Variants in RCAN2 observed in about 807,000 individuals in gnomAD.
RCAN2 encodes regulator of calcineurin 2, also known as calcipressin-2.
In RCAN2, 9 loss-of-function variants were observed where a neutral mutation model predicts 23.6. That is an observed-to-expected ratio of 0.38 (90% confidence interval 0.23 to 0.67). The LOEUF (loss-of-function observed/expected upper bound fraction) is 0.67, where lower values mean the gene tolerates loss of function less well. Ranked by LOEUF, RCAN2 falls within the 30% of genes least tolerant of loss-of-function variation. RCAN2 has a pLI of 0.51. For synonymous variants in RCAN2, 109 were observed against 115.7 expected, an observed-to-expected ratio of 0.94 and a Z score of 0.37; for missense variants, 273 against 302.3, an observed-to-expected ratio of 0.90 and a Z score of 0.72.
intron 1 of RCAN2, among the ~76,000 whole-genome samples, chr6:46,467,327 T>G (rs1768415348): frequency 6.6e-6 from 1 of 152,242 alleles, no homozygotes; most frequent in African/African-American, 2.4e-5. Flanking sequence ...ACTTAATCTC[T>G]GTGTTGTTTC....
chr6:46,435,054 T>C (rs1582199228), intron 2 of RCAN2, among the ~76,000 whole-genome samples: 1 of 152,332 alleles, frequency 6.6e-6, no homozygotes, highest in Middle Eastern at 3.4e-3. Flanking sequence ...TATTTATTCA[T>C]GATGGCCTTC....
At chr6:46,241,520 T>A (rs1043546424) in intron 4 of RCAN2, among the ~76,000 whole-genome samples, 1 of 152,218 alleles carries the variant, frequency 6.6e-6, no homozygotes, top group Non-Finnish European at 1.5e-5. Flanking sequence ...AAAGAATTGA[T>A]GCAGTAGTGT....
intron 2 of RCAN2, among the ~76,000 whole-genome samples, chr6:46,250,513 G>A (rs1766673566): frequency 6.6e-6 from 1 of 152,122 alleles, no homozygotes; most frequent in Non-Finnish European, 1.5e-5. Context: ...ACTAGGAATG[G>A]ACTTAAGAGA....
chr6:46,393,036 G>T (rs1765980317), intron 2 of RCAN2, among the ~76,000 whole-genome samples: 3 of 152,110 alleles, frequency 2.0e-5, no homozygotes, highest in Admixed American at 2.0e-4. Flanking sequence ...TGTTCCTTGG[G>T]TTAAGTGAAT....
At chr6:46,486,248 GTAAA>G (rs1217259777) in intron 1 of RCAN2, among the ~76,000 whole-genome samples, 1 of 152,158 alleles carries the variant, frequency 6.6e-6, no homozygotes, top group Non-Finnish European at 1.5e-5. Context: ...GTGCTTTTCT[GTAAA>G]TAGTGATGAT....
intron 2 of RCAN2, among the ~76,000 whole-genome samples, chr6:46,307,169 C>A (rs1283651823): frequency 6.6e-6 from 1 of 152,142 alleles, no homozygotes; most frequent in East Asian, 1.9e-4. Flanking sequence ...CTATGCCAGG[C>A]ACTGTGCTGG....
At chr6:46,339,489 G>A (rs1422922401) in intron 2 of RCAN2, among the ~76,000 whole-genome samples, 2 of 152,042 alleles carry the variant, frequency 1.3e-5, no homozygotes, top group Non-Finnish European at 2.9e-5. Context: ...GAGAAACTAT[G>A]AGTAGCCCAA....
intron 1 of RCAN2, among the ~76,000 whole-genome samples, chr6:46,469,143 C>A (rs539779086): frequency 6.6e-6 from 1 of 152,268 alleles, no homozygotes; most frequent in African/African-American, 2.4e-5. Context: ...GAGCTGTCTG[C>A]CCTTGGCCTG....
intron 2 of RCAN2, among the ~76,000 whole-genome samples, chr6:46,435,840 C>G (rs951066085): frequency 6.6e-6 from 1 of 152,162 alleles, no homozygotes; most frequent in Non-Finnish European, 1.5e-5. Context: ...CACATGGAGG[C>G]ATATGAATGG....
intron 4 of RCAN2, among the ~76,000 whole-genome samples, chr6:46,241,646 A>C (rs951595853): frequency 2.6e-5 from 4 of 152,196 alleles, no homozygotes; most frequent in African/African-American, 9.6e-5. Flanking sequence ...CTAGAGAAAA[A>C]TGTTTCACTT....
At chr6:46,489,736 G>C (rs1769089367) in intron 1 of RCAN2, among the ~76,000 whole-genome samples, 1 of 152,218 alleles carries the variant, frequency 6.6e-6, no homozygotes, top group Non-Finnish European at 1.5e-5. Context: ...AGCTTTAGAT[G>C]AGAACACTTT....
chr6:46,227,353 A>T (rs940493932), intron 4 of RCAN2, among the ~76,000 whole-genome samples: 1 of 152,226 alleles, frequency 6.6e-6, no homozygotes, highest in Non-Finnish European at 1.5e-5. Flanking sequence ...TAATTTCAGA[A>T]GGAATGGTAC....
intron 2 of RCAN2, among the ~76,000 whole-genome samples, chr6:46,301,587 A>G (rs1273158484): frequency 6.6e-6 from 1 of 152,146 alleles, no homozygotes; most frequent in East Asian, 1.9e-4. Context: ...TTGTAGGCTT[A>G]CACTCTACTG....
intron 2 of RCAN2, among the ~76,000 whole-genome samples, chr6:46,335,290 T>C (rs185251421): frequency 4.9e-4 from 75 of 152,306 alleles, no homozygotes; most frequent in African/African-American, 1.7e-3. Context: ...TTTCAGTCAC[T>C]TTGGAGGCCC....
intron 1 of RCAN2, among the ~76,000 whole-genome samples, chr6:46,490,333 A>C (rs935551294): frequency 2.0e-5 from 3 of 152,214 alleles, no homozygotes; most frequent in Non-Finnish European, 4.4e-5. Context: ...AAAAAACTTC[A>C]TTTGGCAGTT....
chr6:46,391,691 T>C (rs1230833307), intron 2 of RCAN2, among the ~76,000 whole-genome samples: 1 of 152,196 alleles, frequency 6.6e-6, no homozygotes, highest in Non-Finnish European at 1.5e-5. Context: ...GGAGGAGTTA[T>C]ACCTGATTAA....
intron 2 of RCAN2, among the ~76,000 whole-genome samples, chr6:46,303,311 C>T (rs888050969): frequency 6.6e-6 from 1 of 152,004 alleles, no homozygotes; most frequent in Non-Finnish European, 1.5e-5. Flanking sequence ...GAGATATCCT[C>T]AGCAGTCAGC....
intron 2 of RCAN2, among the ~76,000 whole-genome samples, chr6:46,253,621 G>C (rs1470455864): frequency 6.6e-6 from 1 of 152,120 alleles, no homozygotes; most frequent in South Asian, 2.1e-4. Context: ...CCTTATCAAG[G>C]ACATTTCTAA....
At chr6:46,361,667 T>C (rs1372567) in intron 2 of RCAN2, among the ~76,000 whole-genome samples, 36,061 of 152,142 alleles carry the variant, frequency 0.24, 5,441 homozygotes, top group Middle Eastern at 0.35. Context: ...TAGGTGCCAA[T>C]TTTTCATGGG....
Sources: gnomAD v4.1 joint callset for allele counts (sites outside exome capture counted in the v4.1 genomes callset) on GRCh38, gnomAD v4.1.1 for gene constraint, MANE v1.5 for transcripts, NCBI Gene and HGNC (gene_info 2026-07-23, HGNC 2026-07-21) for gene names.